Variants in GTF2A1L observed in about 807,000 individuals in gnomAD.
GTF2A1L encodes the protein general transcription factor IIA subunit 1 like, also known as TFIIA-alpha and beta-like factor.
Under a neutral mutation model 49.7 loss-of-function variants are expected in GTF2A1L, and 48 were observed. That is an observed-to-expected ratio of 0.97 (90% CI 0.77 to 1.23). The LOEUF is 1.23. Ranked by LOEUF, GTF2A1L falls within the 50% of genes most tolerant of loss-of-function variation. The pLI is 0.00. For missense variants in GTF2A1L, 736 were observed against 564.8 expected (o/e 1.30, Z -3.07); for synonymous variants, 246 against 193.5 (o/e 1.27, Z -2.25).
At chr2:48,671,496 G>A (rs759666026) in intron 7 of GTF2A1L, 95 bp from the exon 8 acceptor site, 41 of 1,308,332 alleles carry the variant, frequency 3.1e-5, no homozygotes, top group South Asian at 4.9e-5. Context: ...GAGCCACCAC[G>A]CCGAGACAAG....
At chr2:48,623,832 T>C (rs182555680) in intron 3 of GTF2A1L, among the ~76,000 whole-genome samples, 148 of 152,304 alleles carry the variant, frequency 9.7e-4, no homozygotes, top group Non-Finnish European at 1.9e-3. Context: ...ATATTGCATG[T>C]TCTCACTTAT....
At chr2:48,619,651 A>G (rs1220782250) in intron 1 of GTF2A1L, among the ~76,000 whole-genome samples, 1 of 152,126 alleles carries the variant, frequency 6.6e-6, no homozygotes, top group Non-Finnish European at 1.5e-5. Flanking sequence ...AATAAGAGCA[A>G]CTCAACTAAA....
chr2:48,646,400 CA>C (rs1677511167), intron 5 of GTF2A1L, 52 bp from the exon 6 acceptor site: 1 of 1,286,116 alleles, frequency 7.8e-7, no homozygotes. Flanking sequence ...TGGTGGTTGT[CA>C]AAGGAAATTT....
intron 1 of GTF2A1L, 53 bp downstream of exon 1, chr2:48,617,948 C>T: frequency 6.5e-7 from 1 of 1,532,774 alleles, no homozygotes; most frequent in Non-Finnish European, 8.8e-7. Flanking sequence ...ACTCCGGGTT[C>T]ACGGCAGCCG....
chr2:48,617,922 G>A, intron 1 of GTF2A1L, 27 bp downstream of exon 1: 3 of 1,551,576 alleles, frequency 1.9e-6, no homozygotes, highest in Non-Finnish European at 2.6e-6. Context: ...GCTCTGTGTA[G>A]AGGGAGCGCC....
At chr2:48,631,322 G>A (rs1315495367) in intron 3 of GTF2A1L, among the ~76,000 whole-genome samples, 1 of 152,128 alleles carries the variant, frequency 6.6e-6, no homozygotes, top group East Asian at 1.9e-4. Context: ...GGTCTGTTCA[G>A]AGTTTTAATT....
chr2:48,664,315 G>C (rs1484809770), intron 6 of GTF2A1L, among the ~76,000 whole-genome samples: 2 of 142,626 alleles, frequency 1.4e-5, no homozygotes, highest in Non-Finnish European at 3.1e-5. Context: ...CTTTAATGTA[G>C]TTTTTTTTTT....
At position 48,669,825 on chromosome 2, in the gene GTF2A1L, T is replaced by C. The variant is rs1402500917; in HGVS notation, c.1082T>C (p.Ile361Thr). Reference sequence around the variant, plus strand: ...GGTGATACATCTTCCAATGAAGAAATAGGAAGTACAAGAGATGCAGATGAG... The same window carrying C: ...GGTGATACATCTTCCAATGAAGAAACAGGAAGTACAAGAGATGCAGATGAG... ...GSGDTSSNEE[I>T]GSTRDADENE... The change falls in exon 7 of 9, where the codon ATA (isoleucine) becomes ACA (threonine). Residue 361 changes from isoleucine to threonine, a missense_variant. By Grantham distance (89) the Ile-to-Thr change is moderately conservative. Coordinates refer to ENST00000403751, the MANE Select transcript of GTF2A1L (RefSeq NM_006872.5). 2.5e-6 allele frequency: 4 copies of C among 1,613,960 alleles called. No homozygotes were observed. The highest frequency in any genetic ancestry group is 1.1e-5 in the South Asian group (1 of 91,072).
At position 48,628,103 on chromosome 2, in the gene GTF2A1L, C is replaced by T. The variant is rs1572700580; in HGVS notation, c.247+6813C>T. Among the ~76,000 whole-genome samples, 2 of 144,230 alleles carry T rather than the reference C, an allele frequency of 1.4e-5. 1 individual carries two copies. 94.6% of individuals were successfully genotyped at this position (144,230 alleles called of 152,430 possible). The stretch of plus-strand genomic sequence containing the variant: ...AGTGTTCCATGGTGTATATATACCA[C>T]ATTTTCTTTATCCAATCCACTATGG... On this transcript the variant is annotated intron_variant, in intron 3 of 8. Coordinates refer to ENST00000403751, the MANE Select transcript of GTF2A1L (RefSeq NM_006872.5).
chr2:48,676,683 A>C (rs1679483555), intron 8 of GTF2A1L, among the ~76,000 whole-genome samples: 1 of 151,730 alleles, frequency 6.6e-6, no homozygotes, highest in African/African-American at 2.4e-5. Flanking sequence ...TTCAATATGT[A>C]GATTTTGGAT....
chr2:48,665,150 G>A (rs1203536951), intron 6 of GTF2A1L, among the ~76,000 whole-genome samples: 2 of 152,066 alleles, frequency 1.3e-5, no homozygotes, highest in Non-Finnish European at 2.9e-5. Flanking sequence ...TCCAACTCTT[G>A]GCCTCAAGTG....
At chr2:48,658,802 G>C (rs1193739174) in intron 6 of GTF2A1L, among the ~76,000 whole-genome samples, 4 of 151,922 alleles carry the variant, frequency 2.6e-5, no homozygotes, top group Non-Finnish European at 4.4e-5. Context: ...AGTCTCTGAG[G>C]ATCTTTTGTA....
At chr2:48,648,923 A>G (rs1677692813) in intron 6 of GTF2A1L, among the ~76,000 whole-genome samples, 2 of 152,166 alleles carry the variant, frequency 1.3e-5, no homozygotes, top group Non-Finnish European at 1.5e-5. Context: ...ATTTTCAAAG[A>G]CTTTACAAGT....
At chr2:48,625,976 T>C (rs1037989326) in intron 3 of GTF2A1L, among the ~76,000 whole-genome samples, 4 of 144,424 alleles carry the variant, frequency 2.8e-5, no homozygotes, top group African/African-American at 9.9e-5. Flanking sequence ...TCTGTGTTTT[T>C]GTCTTGGAGT....
At position 48,665,550 on chromosome 2, in the gene GTF2A1L, A is replaced by T. The variant is rs367936586; in HGVS notation, c.979-4172A>T. 2.3e-4 allele frequency among the ~76,000 whole-genome samples: 35 copies of T among 152,110 alleles called. No individual in the cohort carries two copies. The South Asian group carries it at 6.8e-3, about 30-fold the overall frequency. ...TGCATTCAATTAAAATTATTTTCTA[A>T]TTTATCTTATGATTTAGTCTTTGAC... On this transcript the variant is annotated intron_variant, in intron 6 of 8. Coordinates refer to ENST00000403751, the MANE Select transcript of GTF2A1L (RefSeq NM_006872.5).
intron 6 of GTF2A1L, among the ~76,000 whole-genome samples, chr2:48,663,740 A>G (rs1678651538): frequency 6.6e-6 from 1 of 152,104 alleles, no homozygotes; most frequent in Non-Finnish European, 1.5e-5. Flanking sequence ...CCCAGGCTCA[A>G]GTGATTCTCC....
At position 48,679,383 on chromosome 2, in the gene GTF2A1L, A is replaced by G. The variant is rs1679646448; in HGVS notation, c.1378A>G (p.Met460Val). Residue 460 changes from methionine (M) to valine (V), a missense_variant, in exon 9 of 9, where the codon ATG becomes GTG. By Grantham distance (21) the Met-to-Val change is conservative. Coordinates refer to ENST00000403751, the MANE Select transcript of GTF2A1L (RefSeq NM_006872.5). ...GAAATTCTATTTGAAAGATGGTGTTATGTGTTTTGGAGGGAGAGACTATGT... is the reference window on the plus strand; with the variant it reads ...GAAATTCTATTTGAAAGATGGTGTTGTGTGTTTTGGAGGGAGAGACTATGT... ...KWKFYLKDGV[M>V]CFGGRDYVFA... 1.2e-6 allele frequency: 2 copies of G among 1,612,196 alleles called. No homozygotes were observed. Among genetic ancestry groups the G allele is most frequent in the Non-Finnish European group, 1.7e-6 (2 of 1,178,970 alleles).
chr2:48,664,298 C>G (rs6760849), intron 6 of GTF2A1L, among the ~76,000 whole-genome samples: 1 of 151,082 alleles, frequency 6.6e-6, no homozygotes, highest in Non-Finnish European at 1.5e-5. Flanking sequence ...CAGATGGAAA[C>G]AGTTTTCTTT....
At chr2:48,656,307 A>C (rs534787262) in intron 6 of GTF2A1L, among the ~76,000 whole-genome samples, 1 of 150,710 alleles carries the variant, frequency 6.6e-6, no homozygotes, top group South Asian at 2.1e-4. Context: ...GTAGTGCACA[A>C]GCATCTGATT....
Sources: allele counts gnomAD v4.1 joint callset (sites outside exome capture counted in the v4.1 genomes callset), GRCh38; gene constraint gnomAD v4.1.1; transcripts MANE v1.5; gene names NCBI Gene and HGNC (gene_info 2026-07-23, HGNC 2026-07-21).